EHMT1: variants seen among roughly 807,000 people sequenced by gnomAD.
The protein encoded by EHMT1 is euchromatic histone lysine methyltransferase 1, also known as histone-lysine N-methyltransferase EHMT1.
A neutral mutation model predicts 147.2 loss-of-function variants in EHMT1; 15 were observed. The ratio of observed to expected loss-of-function variants is 0.10; its 90% CI spans 0.07 to 0.16. EHMT1 has a LOEUF of 0.16. EHMT1 is among the 10% of genes least tolerant of loss of function. The pLI is 1.00. For synonymous variants in EHMT1, 795 were observed against 709.6 expected, an observed-to-expected ratio of 1.12 and a Z score of -1.91; for missense variants, 1,587 against 1,772.4, an observed-to-expected ratio of 0.90 and a Z score of 1.88.
chr9:137,772,590 G>A lies in EHMT1; in HGVS notation c.1648-2519G>A, dbSNP rs571719915. 5.3e-5 allele frequency among the ~76,000 whole-genome samples: 8 copies of A among 152,326 alleles called. No individual in the cohort carries two copies. The East Asian group carries it at 1.4e-3, about 26-fold the overall frequency. ...TTCTTTAGCCTTCCAGGGTTCTGCC[G>A]GTGCGGACCCACCTTCAGGCAAGCA... On this transcript the variant is annotated intron_variant, in intron 10 of 26. Coordinates refer to ENST00000460843, the MANE Select transcript of EHMT1 (RefSeq NM_024757.5).
intron 18 of EHMT1, among the ~76,000 whole-genome samples, chr9:137,805,847 G>C: frequency 6.6e-6 from 1 of 151,506 alleles, no homozygotes; most frequent in Non-Finnish European, 1.5e-5. Flanking sequence ...ATTTTTAGTA[G>C]AGACGGGGTT....
chr9:137,703,092 G>A (rs1943971663), intron 1 of EHMT1, among the ~76,000 whole-genome samples: 2 of 152,196 alleles, frequency 1.3e-5, no homozygotes, highest in Non-Finnish European at 2.9e-5. Context: ...ATCTGGGGCC[G>A]TTTCAGCCAC....
chr9:137,791,026 A>C (rs1952483453), intron 16 of EHMT1, 56 bp downstream of exon 16: 1 of 1,613,862 alleles, frequency 6.2e-7, no homozygotes, highest in African/African-American at 1.3e-5. Flanking sequence ...TTTCTCAGAA[A>C]GCTGAGCAAG....
At chr9:137,713,423 C>T (rs1256863322) in intron 2 of EHMT1, among the ~76,000 whole-genome samples, 1 of 151,766 alleles carries the variant, frequency 6.6e-6, no homozygotes, top group Non-Finnish European at 1.5e-5. Flanking sequence ...GCACCTGCCA[C>T]CATGCCCGGC....
chr9:137,661,550 A>G (rs949328130), intron 1 of EHMT1, among the ~76,000 whole-genome samples: 1 of 150,454 alleles, frequency 6.6e-6, no homozygotes, highest in African/African-American at 2.5e-5. Flanking sequence ...CAGTGGCGCA[A>G]TCTCGGCTCA....
At chr9:137,708,218 C>T (rs1944419571) in intron 1 of EHMT1, among the ~76,000 whole-genome samples, 1 of 152,200 alleles carries the variant, frequency 6.6e-6, no homozygotes, top group South Asian at 2.1e-4. Context: ...ATCGAAGAGT[C>T]AGCTGGATTT....
At chr9:137,812,643 C>T (rs745627949) in intron 19 of EHMT1, among the ~76,000 whole-genome samples, 3 of 152,266 alleles carry the variant, frequency 2.0e-5, no homozygotes, top group Non-Finnish European at 2.9e-5. Flanking sequence ...GAGGACTGCT[C>T]ACGCTGTGCG....
chr9:137,811,346 C>A, intron 18 of EHMT1, 115 bp from the exon 19 acceptor site: 1 of 1,470,556 alleles, frequency 6.8e-7, no homozygotes, highest in Non-Finnish European at 9.4e-7. Context: ...CTGCGGACGG[C>A]CACGCATGCT....
chr9:137,742,289 T>TGTGTGTGTG (rs1948160336), intron 4 of EHMT1, among the ~76,000 whole-genome samples: 4 of 135,070 alleles, frequency 3.0e-5, no homozygotes, highest in Non-Finnish European at 4.7e-5. Context: ...AGAACCAAAT[T>TGTGTGTGTG]TGTGTGTGTG....
At chr9:137,683,052 C>T (rs1293821287) in intron 1 of EHMT1, among the ~76,000 whole-genome samples, 1 of 152,246 alleles carries the variant, frequency 6.6e-6, no homozygotes, top group Non-Finnish European at 1.5e-5. Flanking sequence ...GTTCTTTCCA[C>T]AGCTAGATTC....
intron 3 of EHMT1, among the ~76,000 whole-genome samples, chr9:137,721,322 ACCC>A (rs145983596): frequency 1.0e-4 from 1 of 9,676 alleles, no homozygotes; most frequent in Non-Finnish European, 1.8e-4. Flanking sequence ...TCTCACACTC[ACCC>A]CTCCCAGACT....
chr9:137,660,193 G>A (rs1174890631), intron 1 of EHMT1, among the ~76,000 whole-genome samples: 2 of 151,882 alleles, frequency 1.3e-5, no homozygotes, highest in East Asian at 3.9e-4. Context: ...ATATTAGCTG[G>A]GCATAGTGGC....
intron 6 of EHMT1, among the ~76,000 whole-genome samples, chr9:137,749,993 TC>T (rs770440940): frequency 1.4e-4 from 21 of 152,328 alleles, no homozygotes; most frequent in Non-Finnish European, 2.1e-4. Context: ...CATTGACTGT[TC>T]CTGCTGATTC....
intron 1 of EHMT1, chr9:137,676,177 C>T (rs944711511): frequency 4.6e-5 from 7 of 152,242 alleles, no homozygotes; most frequent in African/African-American, 7.2e-5. Context: ...GCCTCGGCCT[C>T]CCAAAGTGCT....
intron 1 of EHMT1, among the ~76,000 whole-genome samples, chr9:137,702,792 T>G (rs1377497523): frequency 6.6e-6 from 1 of 152,244 alleles, no homozygotes; most frequent in Non-Finnish European, 1.5e-5. Flanking sequence ...CCGTGGGGGC[T>G]TCGCCCCTGC....
chr9:137,710,896 C>G lies in EHMT1; in HGVS notation c.22-71C>G, dbSNP rs540214804. 2.3e-5 allele frequency: 35 copies of G among 1,522,138 alleles called. No homozygotes were observed. In the African/African-American group the frequency reaches 3.6e-4, roughly 16 times the overall value. The allele number at this position is 1,522,138 out of a possible 1,614,324, so 94.3% of individuals were successfully genotyped here. A position where few individuals can be genotyped will look rare whatever the true frequency, so the allele number is the denominator to read the frequency against. ...TGTAACTACGATTTTTTGACTTTTTCCAAATGATGTCCATTTGGAAAAGCG... is the reference window on the plus strand; with the variant it reads ...TGTAACTACGATTTTTTGACTTTTTGCAAATGATGTCCATTTGGAAAAGCG... On this transcript the variant is annotated intron_variant, in intron 1 of 26. Coordinates refer to ENST00000460843, the MANE Select transcript of EHMT1 (RefSeq NM_024757.5).
chr9:137,790,728 T>C (rs1952461572), intron 15 of EHMT1, 120 bp from the exon 16 acceptor site: 1 of 1,395,188 alleles, frequency 7.2e-7, no homozygotes, highest in Non-Finnish European at 1.0e-6. Context: ...ACTCAGACAT[T>C]GTTGGTCACT....
At chr9:137,658,572 GT>G (rs1010264497) in intron 1 of EHMT1, among the ~76,000 whole-genome samples, 40 of 148,352 alleles carry the variant, frequency 2.7e-4, no homozygotes, top group African/African-American at 6.0e-4. Context: ...ATTATCTTTT[GT>G]TTTTTTTTAA....
chr9:137,693,435 G>A (rs1439316824), intron 1 of EHMT1, among the ~76,000 whole-genome samples: 1 of 152,152 alleles, frequency 6.6e-6, no homozygotes, highest in Non-Finnish European at 1.5e-5. Flanking sequence ...TTACTGCAGA[G>A]GAAACGGGCA....
Sources: gnomAD v4.1 joint callset for allele counts (sites outside exome capture counted in the v4.1 genomes callset) on GRCh38, gnomAD v4.1.1 for gene constraint, MANE v1.5 for transcripts, NCBI Gene and HGNC (gene_info 2026-07-23, HGNC 2026-07-21) for gene names.